The following KDM2B variants were observed in gnomAD, a reference collection of about 807,000 sequenced individuals.
KDM2B encodes lysine-specific demethylase 2B.
A neutral mutation model predicts 150.0 loss-of-function variants in KDM2B; 26 were observed. The ratio of observed to expected loss-of-function variants is 0.17; its 90% CI spans 0.13 to 0.24. The LOEUF (loss-of-function observed/expected upper bound fraction) is 0.24, where lower values mean the gene tolerates loss of function less well. Ranked by LOEUF, KDM2B falls within the 10% of genes least tolerant of loss-of-function variation. The probability of loss-of-function intolerance (pLI) is 1.00; values close to 1 mark genes in which losing one functional copy is unlikely to be tolerated. For missense variants in KDM2B, 1,265 were observed against 1,816.9 expected (o/e 0.70, Z 5.52); for synonymous variants, 734 against 729.5 (o/e 1.01, Z -0.10).
At chr12:121,524,408 A>C (rs1555306416) in intron 8 of KDM2B, among the ~76,000 whole-genome samples, 1 of 152,170 alleles carries the variant, frequency 6.6e-6, no homozygotes, top group African/African-American at 2.4e-5. Context: ...TGTTGCCCTG[A>C]CACGTGAGGA....
chr12:121,446,123 CG>C (rs755029396), intron 13 of KDM2B, among the ~76,000 whole-genome samples: 69 of 152,222 alleles, frequency 4.5e-4, no homozygotes, highest in Non-Finnish European at 7.8e-4. Context: ...AGGCCGGGCG[CG>C]GTGGCTCACG....
At chr12:121,423,682 A>G in the KDM2B span, 1 of 990,660 alleles carries the variant, frequency 1.0e-6, no homozygotes, top group Non-Finnish European at 1.5e-6. This position sits in a 1 kb window ranked among gnomAD's most constrained non-coding sequence, Gnocchi z 4.3. Context: ...CTATTTTAAA[A>G]CATTATTTTG....
At chr12:121,565,393 C>T (rs782329479) in intron 4 of KDM2B, among the ~76,000 whole-genome samples, 43 of 150,598 alleles carry the variant, frequency 2.9e-4, no homozygotes, top group Non-Finnish European at 2.7e-4. Context: ...CTCAGCAGAC[C>T]GCAACTTCCA....
Position 121,453,632 on chromosome 12 carries a change from A to C in KDM2B, c.1735-288T>G, listed in dbSNP as rs1555292209. Among the ~76,000 whole-genome samples the C allele has an allele frequency of 6.6e-6, 1 of 152,150 alleles. No individual in the cohort carries two copies. The highest frequency in any genetic ancestry group is 1.9e-4 in the East Asian group (1 of 5,190). On this transcript the variant is annotated intron_variant, in intron 12 of 22. Transcript: ENST00000377071. The surrounding 1 kb of genome is among the most constrained non-coding windows in gnomAD (Gnocchi z 6.4). ...GCACGTAGAGAACGTGTGTGAAGAC[A>C]CAGGCCTTCCACAGACTGGAGCCCT...
At chr12:121,443,152 C>A in intron 17 of KDM2B, 122 bp from the exon 18 acceptor site, 1 of 879,316 alleles carries the variant, frequency 1.1e-6, no homozygotes. Context: ...GAGGCCTTCC[C>A]CACAAATGCC....
chr12:121,493,394 A>G (rs1197692438), intron 12 of KDM2B, among the ~76,000 whole-genome samples: 5 of 152,090 alleles, frequency 3.3e-5, no homozygotes, highest in African/African-American at 1.2e-4. Flanking sequence ...TCTTGGTATA[A>G]CCCATCTTTA....
chr12:121,559,613 C>T (rs1890187070), intron 4 of KDM2B, among the ~76,000 whole-genome samples: 1 of 151,988 alleles, frequency 6.6e-6, no homozygotes, highest in Non-Finnish European at 1.5e-5. Flanking sequence ...AAATGCAGCT[C>T]AACCAGGCCA....
chr12:121,481,287 T>C (rs1384397105), intron 12 of KDM2B, among the ~76,000 whole-genome samples: 1 of 152,176 alleles, frequency 6.6e-6, no homozygotes, highest in Non-Finnish European at 1.5e-5. Context: ...TGTTCGTTGG[T>C]GGAAGAGGTC....
intron 12 of KDM2B, among the ~76,000 whole-genome samples, chr12:121,473,745 G>A (rs1387276556): frequency 7.3e-5 from 11 of 150,356 alleles, no homozygotes; most frequent in Admixed American, 7.3e-4. Context: ...GAGAGAGAGA[G>A]AGAGTAAAGA....
At chr12:121,421,577 T>C in the KDM2B span, among the ~76,000 whole-genome samples, 1 of 151,964 alleles carries the variant, frequency 6.6e-6, no homozygotes, top group African/African-American at 2.4e-5. Flanking sequence ...CAACTATACA[T>C]TGATGAAATT....
chr12:121,425,937 T>C (rs1182008129), downstream of KDM2B, among the ~76,000 whole-genome samples: 1 of 152,026 alleles, frequency 6.6e-6, no homozygotes, highest in Non-Finnish European at 1.5e-5. Context: ...CGGCTAATTT[T>C]TCTGTATATT....
At chr12:121,431,615 G>A (rs1339253620) in intron 22 of KDM2B, among the ~76,000 whole-genome samples, 6 of 152,158 alleles carry the variant, frequency 3.9e-5, no homozygotes, top group Admixed American at 3.3e-4. Context: ...AGGAGGTGGT[G>A]TAAAGTAGTA....
the KDM2B span, among the ~76,000 whole-genome samples, chr12:121,419,119 A>T: frequency 6.6e-6 from 1 of 152,228 alleles, no homozygotes; most frequent in Non-Finnish European, 1.5e-5. Context: ...GACCACATAC[A>T]CGGCAGTGGT....
intron 22 of KDM2B, among the ~76,000 whole-genome samples, chr12:121,438,825 A>G (rs10444492): frequency 0.34 from 51,770 of 150,978 alleles, 9,607 homozygotes; most frequent in East Asian, 0.44. Flanking sequence ...GGTAATTTCT[A>G]AGGGTAAAAA....
Position 121,509,710 on chromosome 12 carries a change from C to T in KDM2B, c.1504G>A (p.Val502Ile), listed in dbSNP as rs1555303537. 16 of 1,614,146 alleles carry T rather than the reference C, an allele frequency of 9.9e-6. No individual in the cohort carries two copies. The highest frequency in any genetic ancestry group is 1.4e-5 in the Non-Finnish European group (16 of 1,180,038). ...KTPTGSPATE[V>I]SAKWTHLTEF... ...GTGAGATGGGTCCATTTGGCAGAGA[C>T]CTCCGTGGCGGGAGAGCCGGTGGGG... Residue 502 changes from valine (V) to isoleucine (I), a missense_variant, in exon 11 of 23, where the codon GTC becomes ATC. Val to Ile is a conservative substitution (Grantham distance 29, BLOSUM62 3). This residue lies in a region of KDM2B where 154 missense variants were observed against 162.5 expected (regional missense o/e 0.95). Coordinates refer to ENST00000377071, the MANE Select transcript of KDM2B (RefSeq NM_032590.5).
In KDM2B at chr12:121,509,878, G is replaced by A. The variant is rs782410004; in HGVS notation, c.1336C>T (p.Pro446Ser). The part of the protein sequence containing the change: ...PKPPTDGSTS[P>S]TSTPSEDQEA... ...TGGTCCTCAGAGGGCGTGCTGGTGG[G>A]TGAAGTGGAGCCATCGGTGGGCGGT... is the stretch of plus-strand genomic sequence containing the variant. Residue 446 changes from proline (P) to serine (S), a missense_variant, in exon 11 of 23, where the codon CCC becomes TCC. Around this residue, in one of 11 missense-constraint regions of KDM2B, gnomAD observed 154 missense variants for 162.5 expected, o/e 0.95. Coordinates refer to ENST00000377071, the MANE Select transcript of KDM2B (RefSeq NM_032590.5). 2 of 1,613,788 alleles carry A rather than the reference G, an allele frequency of 1.2e-6. No homozygotes were observed. Among genetic ancestry groups the A allele is most frequent in the Non-Finnish European group, 1.7e-6 (2 of 1,179,948 alleles).
At chr12:121,446,302 G>A (rs1555290336) in intron 13 of KDM2B, among the ~76,000 whole-genome samples, 1 of 152,192 alleles carries the variant, frequency 6.6e-6, no homozygotes, top group African/African-American at 2.4e-5. Context: ...GGAGACTGAG[G>A]CAGGAGAATG....
chr12:121,451,983 C>G (rs782726361), intron 13 of KDM2B, among the ~76,000 whole-genome samples: 2 of 152,008 alleles, frequency 1.3e-5, no homozygotes, highest in Non-Finnish European at 2.9e-5. Context: ...AGGAAATTGT[C>G]ATATGCTTCA....
intron 4 of KDM2B, among the ~76,000 whole-genome samples, chr12:121,562,231 C>G (rs1890391610): frequency 6.6e-6 from 1 of 151,742 alleles, no homozygotes. Flanking sequence ...GCCTGTAATC[C>G]CAGCTCTTTG....
Sources: allele counts gnomAD v4.1 joint callset (sites outside exome capture counted in the v4.1 genomes callset), GRCh38; gene constraint gnomAD v4.1.1; regional missense constraint gnomAD v4.1.1; non-coding constraint Gnocchi (gnomAD v3.1); transcripts MANE v1.5; gene names NCBI Gene and HGNC (gene_info 2026-07-23, HGNC 2026-07-21).